Variants in LMO2 observed in about 807,000 individuals in gnomAD.
LMO2 encodes LIM domain only 2, also known as rhombotin-2.
Under a neutral mutation model 23.2 loss-of-function variants are expected in LMO2, and 20 were observed. That is an observed-to-expected ratio of 0.86 (90% CI 0.61 to 1.25). The LOEUF is 1.25. Ranked by LOEUF, LMO2 falls within the 50% of genes most tolerant of loss-of-function variation. LMO2 has a pLI of 0.00. For missense variants in LMO2, 270 were observed against 315.3 expected, an observed-to-expected ratio of 0.86 and a Z score of 1.09; for synonymous variants, 123 against 130.2, an observed-to-expected ratio of 0.94 and a Z score of 0.38.
intron 1 of LMO2, among the ~76,000 whole-genome samples, chr11:33,889,305 A>G (rs1215784471): frequency 6.6e-6 from 1 of 152,002 alleles, no homozygotes; most frequent in African/African-American, 2.4e-5. Flanking sequence ...TCCAGGACAC[A>G]CTCTCTGAGT....
At chr11:33,866,089 C>T (rs952562459) in intron 4 of LMO2, among the ~76,000 whole-genome samples, 11 of 152,222 alleles carry the variant, frequency 7.2e-5, no homozygotes, top group African/African-American at 2.4e-4. Context: ...TACCAGGCGA[C>T]CTTGTGTCCT....
intron 2 of LMO2, among the ~76,000 whole-genome samples, chr11:33,877,277 C>G (rs1405660815): frequency 1.3e-5 from 2 of 152,160 alleles, no homozygotes; most frequent in Non-Finnish European, 2.9e-5. Context: ...TCACGTGTCT[C>G]TGATCTAAGC....
rs1415022658 is a variant in LMO2, at chr11:33,864,987, A to C, written c.249-170T>G. ...TGGCCAGACTGCAGAGTCCCAACCA[A>C]CCTTGGGTTAAGACGGGAAAGAGCC... On this transcript the variant is annotated intron_variant, in intron 4 of 5. Coordinates refer to ENST00000257818, the MANE Select transcript of LMO2 (RefSeq NM_005574.4). The surrounding 1 kb of genome is among the most constrained non-coding windows in gnomAD (Gnocchi z 4.8). The C allele has an allele frequency of 1.6e-5, 11 of 667,138 alleles. No homozygotes were observed. Among genetic ancestry groups the C allele is most frequent in the Middle Eastern group, 4.8e-4 (2 of 4,190 alleles). 41.3% of individuals were successfully genotyped at this position (667,138 alleles called of 1,614,324 possible). A position where few individuals can be genotyped will look rare whatever the true frequency, so the allele number is the denominator to read the frequency against.
chr11:33,859,153 GGT>G lies in LMO2; in HGVS notation c.*201_*202del. The G allele has an allele frequency of 1.8e-6, 1 of 551,662 alleles. No homozygotes were observed. Among genetic ancestry groups the G allele is most frequent in the Non-Finnish European group, 3.3e-6 (1 of 305,088 alleles). The allele number at this position is 551,662 out of a possible 1,614,324, so 34.2% of individuals were successfully genotyped here. ...GGCCATAAGTTCTCCCTCAAGGGCT[GGT>G]CCTTCTGTCACCTTGAAGTGTCAGC... On this transcript the variant is annotated 3_prime_UTR_variant, in exon 6 of 6. Coordinates refer to ENST00000257818, the MANE Select transcript of LMO2 (RefSeq NM_005574.4).
At chr11:33,868,083 T>C (rs1856851290) in intron 4 of LMO2, among the ~76,000 whole-genome samples, 1 of 152,252 alleles carries the variant, frequency 6.6e-6, no homozygotes, top group Non-Finnish European at 1.5e-5. Flanking sequence ...ATAACAAACC[T>C]AGCTCATTAC....
At position 33,869,481 on chromosome 11, in the gene LMO2, G is replaced by A. The variant is rs1565028092; in HGVS notation, c.113C>T (p.Ala38Val). The stretch of plus-strand genomic sequence containing the variant: ...GGCTCGGACCCCCTCGGGTGCTCGG[G>A]CGCCGCCGCCGCCGCCGCCGTCGCC... The part of the protein sequence containing the change: ...SGGDGGGGGG[A>V]RAPEGVRAPA... The change falls in exon 4 of 6, where the codon GCC (alanine) becomes GTC (valine). Residue 38 changes from alanine to valine, a missense_variant. Ala to Val is a moderately conservative substitution (Grantham distance 64). Transcript: ENST00000257818. 8.3e-6 allele frequency: 10 copies of A among 1,206,596 alleles called. No individual in the cohort carries two copies. The allele number at this position is 1,206,596 out of a possible 1,614,324, so 74.7% of individuals were successfully genotyped here. A position where few individuals can be genotyped will look rare whatever the true frequency, so the allele number is the denominator to read the frequency against.
chr11:33,860,118 C>T (rs758240143), intron 5 of LMO2, among the ~76,000 whole-genome samples: 2 of 148,540 alleles, frequency 1.3e-5, no homozygotes, highest in Non-Finnish European at 1.5e-5. Flanking sequence ...AAGCACATCT[C>T]CCCCTGATTA....
At chr11:33,859,596 G>T in intron 5 of LMO2, 21 bp from the exon 6 acceptor site, 2 of 1,609,970 alleles carry the variant, frequency 1.2e-6, no homozygotes, top group Non-Finnish European at 1.7e-6. Flanking sequence ...AGAAAGAAAA[G>T]CTAAGAAGAC....
chr11:33,880,180 G>GATATATATATCATATATACACATGAT lies in LMO2; in HGVS notation c.-272+1618_-272+1643dup, dbSNP rs1857233462. Among the ~76,000 whole-genome samples the GATATATATATCATATATACACATGAT allele has an allele frequency of 2.9e-4, 7 of 23,984 alleles. No homozygotes were observed. The highest frequency in any genetic ancestry group is 0.025 in the Middle Eastern group (1 of 40). 15.7% of individuals were successfully genotyped at this position (23,984 alleles called of 152,430 possible). A position where few individuals can be genotyped will look rare whatever the true frequency, so the allele number is the denominator to read the frequency against. On this transcript the variant is annotated intron_variant, in intron 2 of 5. Coordinates refer to ENST00000257818, the MANE Select transcript of LMO2 (RefSeq NM_005574.4). This position sits in a 1 kb window ranked among gnomAD's most constrained non-coding sequence, Gnocchi z 4.3. ...ATATATACATATGATATATACACAT[G>GATATATATATCATATATACACATGAT]ATATATATATCATATATACACATGA...
At chr11:33,873,543 A>G (rs543213203) in intron 2 of LMO2, among the ~76,000 whole-genome samples, 23 of 152,354 alleles carry the variant, frequency 1.5e-4, no homozygotes, top group African/African-American at 5.5e-4. Flanking sequence ...CAACTAGTAC[A>G]TGCCTTATGC....
At chr11:33,881,187 C>T (rs946763201) in intron 2 of LMO2, 3 of 457,002 alleles carry the variant, frequency 6.6e-6, no homozygotes, top group East Asian at 6.9e-5. Flanking sequence ...CCAAAGACTT[C>T]GAGACTGCCG....
At chr11:33,863,719 G>A (rs956061438) in intron 5 of LMO2, among the ~76,000 whole-genome samples, 3 of 152,222 alleles carry the variant, frequency 2.0e-5, no homozygotes, top group Non-Finnish European at 2.9e-5. Context: ...AATTCGGATG[G>A]CCAATAGGAT....
chr11:33,869,195 AAGG>A (rs1856903637), intron 4 of LMO2, 148 bp downstream of exon 4: 8 of 422,636 alleles, frequency 1.9e-5, no homozygotes, highest in Non-Finnish European at 2.7e-5. Context: ...ACCCGGGAGG[AAGG>A]AGGAGCCCAG....
chr11:33,873,441 ATTTAAG>A (rs1311465172), intron 2 of LMO2, among the ~76,000 whole-genome samples: 1 of 152,216 alleles, frequency 6.6e-6, no homozygotes, highest in African/African-American at 2.4e-5. Flanking sequence ...AATTGCTCAA[ATTTAAG>A]TTTAACATTT....
In LMO2 at chr11:33,869,929, T is replaced by C; in HGVS notation, c.-213A>G. On this transcript the variant is annotated 5_prime_UTR_variant, in exon 3 of 6. Coordinates refer to ENST00000257818, the MANE Select transcript of LMO2 (RefSeq NM_005574.4). ...GCGTCTCTCTCCGGGCTTCCTCCTC[T>C]CTCGGGAAGGTCTATTTTCGCTCAG... The C allele has an allele frequency of 9.5e-7, 1 of 1,049,452 alleles. No individual in the cohort carries two copies. Among genetic ancestry groups the C allele is most frequent in the South Asian group, 4.6e-5 (1 of 21,888 alleles). The allele number at this position is 1,049,452 out of a possible 1,614,324, so 65.0% of individuals were successfully genotyped here.
Position 33,859,432 on chromosome 11 carries a change from C to T in LMO2, c.608G>A (p.Arg203Lys). Residue 203 changes from arginine to lysine, a missense_variant, in exon 6 of 6, where the codon AGA becomes AAA. Around this residue, in one of 2 missense-constraint regions of LMO2, gnomAD observed 100 missense variants for 153.3 expected, o/e 0.65. Transcript: ENST00000257818. ...TATGTCAGAGTTGATGAGGAGGTAT[C>T]TGTCACCTACACAGAAATGCTTCTG... The part of the protein sequence containing the change: ...ACQKHFCVGD[R>K]YLLINSDIVC... 6.2e-7 allele frequency: 1 copy of T among 1,614,154 alleles called. No individual in the cohort carries two copies. Among genetic ancestry groups the T allele is most frequent in the Non-Finnish European group, 8.5e-7 (1 of 1,180,012 alleles).
chr11:33,864,650 C>T lies in LMO2; in HGVS notation c.416G>A (p.Arg139His). 1.9e-6 allele frequency: 3 copies of T among 1,613,922 alleles called. No homozygotes were observed. The highest frequency in any genetic ancestry group is 2.5e-6 in the Non-Finnish European group (3 of 1,180,014). Reference sequence around the variant, plus strand: ...CTTCCGGCCCAGTTTGTAGTAGAGGCGCCGCCCCACCTCACCCAGCCGGCA... The same window carrying T: ...CTTCCGGCCCAGTTTGTAGTAGAGGTGCCGCCCCACCTCACCCAGCCGGCA... The part of the protein sequence containing the change: ...CGCRLGEVGR[R>H]LYYKLGRKLC... The change falls in exon 5 of 6, where the codon CGC becomes CAC. Residue 139 changes from arginine to histidine, a missense_variant. Transcript: ENST00000257818. This position sits in a 1 kb window ranked among gnomAD's most constrained non-coding sequence, Gnocchi z 4.8.
chr11:33,865,103 C>A (rs957066826), intron 4 of LMO2: 10 of 482,786 alleles, frequency 2.1e-5, no homozygotes, highest in African/African-American at 2.0e-4. Flanking sequence ...CCTGCCCATG[C>A]CCAGCACTAC....
intron 2 of LMO2, among the ~76,000 whole-genome samples, chr11:33,876,323 C>G (rs79765439): frequency 1.3e-5 from 2 of 152,284 alleles, no homozygotes; most frequent in African/African-American, 2.4e-5. Flanking sequence ...AATGTAAACT[C>G]TGTGAGGGTG....
Sources: gnomAD v4.1 joint callset for allele counts (sites outside exome capture counted in the v4.1 genomes callset) on GRCh38, gnomAD v4.1.1 for gene constraint, gnomAD v4.1.1 regional missense constraint, Gnocchi (gnomAD v3.1) non-coding constraint, MANE v1.5 for transcripts, NCBI Gene and HGNC (gene_info 2026-07-23, HGNC 2026-07-21) for gene names.